KAT2B: variants seen among roughly 807,000 people sequenced by gnomAD.
KAT2B encodes lysine acetyltransferase 2B.
Under a neutral mutation model 105.9 loss-of-function variants are expected in KAT2B, and 36 were observed. That is an observed-to-expected ratio of 0.34 (90% CI 0.26 to 0.45). KAT2B has a LOEUF of 0.45. Among genes scored for constraint, KAT2B ranks in the 20% least tolerant of loss-of-function variants. The pLI, the probability that KAT2B is intolerant of heterozygous loss-of-function variation, is 1.00. For missense variants in KAT2B, 820 were observed against 1,021.6 expected, an observed-to-expected ratio of 0.80 and a Z score of 2.69; for synonymous variants, 397 against 377.9, an observed-to-expected ratio of 1.05 and a Z score of -0.59.
chr3:20,077,753 A>G (rs1372160069), intron 2 of KAT2B, among the ~76,000 whole-genome samples: 2 of 152,194 alleles, frequency 1.3e-5, no homozygotes, highest in Admixed American at 1.3e-4. Context: ...TATATTTGGG[A>G]TTGGCACAAT....
chr3:20,091,870 A>C (rs1302059965), intron 2 of KAT2B, among the ~76,000 whole-genome samples: 1 of 152,202 alleles, frequency 6.6e-6, no homozygotes, highest in Non-Finnish European at 1.5e-5. Flanking sequence ...ATTGAAAGGA[A>C]TGGCAAAAAT....
At chr3:20,088,571 C>T in intron 2 of KAT2B, among the ~76,000 whole-genome samples, 1 of 152,270 alleles carries the variant, frequency 6.6e-6, no homozygotes, top group East Asian at 1.9e-4. Context: ...CTGTTCATAT[C>T]CTTTGCACAT....
In KAT2B at chr3:20,146,412, G is replaced by C. The variant is rs773600279; in HGVS notation, c.2101G>C (p.Glu701Gln). 1.9e-6 allele frequency: 3 copies of C among 1,609,924 alleles called. No individual in the cohort carries two copies. The highest frequency in any genetic ancestry group is 2.6e-6 in the Non-Finnish European group (3 of 1,176,352). The change falls in exon 14 of 18, where the codon GAA becomes CAA. Residue 701 changes from glutamate to glutamine, a missense_variant. Around this residue, in one of 6 missense-constraint regions of KAT2B, gnomAD observed 227 missense variants for 292.9 expected, o/e 0.77. Coordinates refer to ENST00000263754, the MANE Select transcript of KAT2B (RefSeq NM_003884.5). ...AGATGGAGTTCGACAGATTCCTATA[G>C]AAAGCATTCCTGGAATTAGTACGTA... ...FKDGVRQIPI[E>Q]SIPGIRETGW...
chr3:20,080,329 C>G (rs1232367999), intron 2 of KAT2B, among the ~76,000 whole-genome samples: 1 of 152,174 alleles, frequency 6.6e-6, no homozygotes, highest in Non-Finnish European at 1.5e-5. Context: ...CCACCTCTGC[C>G]TTAGATCTGG....
In KAT2B at chr3:20,089,402, T is replaced by C. The variant is rs1228002665; in HGVS notation, c.431-5861T>C. On this transcript the variant is annotated intron_variant, in intron 2 of 17. Coordinates refer to ENST00000263754, the MANE Select transcript of KAT2B (RefSeq NM_003884.5). ...TCACTTATTCGTGTCTTCTTCACTTTTTTTTTTTTTTTTTTTGAGATGGAG... is the reference window on the plus strand; with the variant it reads ...TCACTTATTCGTGTCTTCTTCACTTCTTTTTTTTTTTTTTTTGAGATGGAG... Among the ~76,000 whole-genome samples the C allele has an allele frequency of 5.2e-4, 25 of 48,086 alleles. 1 individual carries two copies. In the African/African-American group the frequency reaches 5.6e-3, roughly 11 times the overall value. 31.5% of individuals were successfully genotyped at this position (48,086 alleles called of 152,430 possible).
In KAT2B at chr3:20,076,618, C is replaced by T. The variant is rs1335441505; in HGVS notation, c.430+4159C>T. Among the ~76,000 whole-genome samples, 2 of 152,192 alleles carry T rather than the reference C, an allele frequency of 1.3e-5. 1 individual carries two copies. Among genetic ancestry groups the T allele is most frequent in the African/African-American group, 4.8e-5 (2 of 41,442 alleles). On this transcript the variant is annotated intron_variant, in intron 2 of 17. Transcript: ENST00000263754. ...GAATGAACTGCCTTGGACTCAGCAC[C>T]CAGCTCTAATGATTATTTACATTTG... is the stretch of plus-strand genomic sequence containing the variant.
chr3:20,154,079 T>A lies in KAT2B; in HGVS notation c.*1554T>A, dbSNP rs556830966. The A allele has an allele frequency of 2.2e-4, 33 of 152,732 alleles. No homozygotes were observed. Among genetic ancestry groups the A allele is most frequent in the African/African-American group, 7.7e-4 (32 of 41,568 alleles). 9.5% of individuals were successfully genotyped at this position (152,732 alleles called of 1,614,324 possible). Reference sequence around the variant, plus strand: ...ATCATGATACAGTTTGGATTAAGTATCTTGGACTGGTTTTAAACAGTGCTT... The same window carrying A: ...ATCATGATACAGTTTGGATTAAGTAACTTGGACTGGTTTTAAACAGTGCTT... On this transcript the variant is annotated 3_prime_UTR_variant, in exon 18 of 18. Coordinates refer to ENST00000263754, the MANE Select transcript of KAT2B (RefSeq NM_003884.5).
intron 2 of KAT2B, among the ~76,000 whole-genome samples, chr3:20,081,707 A>G (rs1308884094): frequency 1.3e-5 from 2 of 152,224 alleles, no homozygotes; most frequent in East Asian, 3.9e-4. Context: ...TAAAAGCAGG[A>G]TTCTTTAATG....
intron 7 of KAT2B, among the ~76,000 whole-genome samples, chr3:20,119,096 G>A (rs892016002): frequency 6.6e-6 from 1 of 151,870 alleles, no homozygotes; most frequent in Non-Finnish European, 1.5e-5. Flanking sequence ...TCTGGTGGTG[G>A]TCACCAGCTT....
At chr3:20,107,322 G>A (rs1171406780) in intron 5 of KAT2B, among the ~76,000 whole-genome samples, 2 of 149,488 alleles carry the variant, frequency 1.3e-5, no homozygotes, top group Admixed American at 1.3e-4. Context: ...TGAGCCACCA[G>A]ACCTGGCCAA....
At chr3:20,131,297 G>A (rs1274303257) in intron 11 of KAT2B, among the ~76,000 whole-genome samples, 1 of 151,950 alleles carries the variant, frequency 6.6e-6, no homozygotes, top group Admixed American at 6.6e-5. Context: ...TTACAGTTGT[G>A]AGCCACTGTG....
intron 1 of KAT2B, among the ~76,000 whole-genome samples, chr3:20,063,104 G>A (rs1376504098): frequency 6.6e-6 from 1 of 152,016 alleles, no homozygotes; most frequent in Non-Finnish European, 1.5e-5. Flanking sequence ...ATCTTGCTCT[G>A]TTTCCCAGGC....
chr3:20,067,245 C>T (rs1185885256), intron 1 of KAT2B, among the ~76,000 whole-genome samples: 5 of 152,116 alleles, frequency 3.3e-5, no homozygotes, highest in Non-Finnish European at 7.3e-5. Context: ...TTTTAAGCAT[C>T]AGTGTTTATT....
chr3:20,132,330 G>C (rs888903271), intron 11 of KAT2B, among the ~76,000 whole-genome samples: 21 of 152,168 alleles, frequency 1.4e-4, no homozygotes, highest in Admixed American at 3.9e-4. Context: ...CCAAGATTGT[G>C]CTATTGCACT....
At chr3:20,074,231 A>G (rs988679447) in intron 2 of KAT2B, among the ~76,000 whole-genome samples, 1 of 152,232 alleles carries the variant, frequency 6.6e-6, no homozygotes, top group Admixed American at 6.5e-5. Context: ...AGTAAAAAGC[A>G]TGAAACAACC....
chr3:20,106,997 A>G (rs1454058101), intron 5 of KAT2B, among the ~76,000 whole-genome samples: 4 of 17,584 alleles, frequency 2.3e-4, no homozygotes, highest in Non-Finnish European at 2.7e-4. Context: ...ATATATATAT[A>G]TATATATATA....
intron 7 of KAT2B, among the ~76,000 whole-genome samples, chr3:20,115,214 C>A (rs1179490877): frequency 6.6e-6 from 1 of 152,194 alleles, no homozygotes; most frequent in African/African-American, 2.4e-5. Flanking sequence ...TTTTATACAT[C>A]AAGTTACCAC....
rs554911733 is a variant in KAT2B, at chr3:20,097,885, G to A, written c.577-1977G>A. ...GAGAAAGGCAGTTCCTGTGTCTCAT[G>A]TGTCAATAATTAAAGTAAAAATGTG... On this transcript the variant is annotated intron_variant, in intron 3 of 17. Coordinates refer to ENST00000263754, the MANE Select transcript of KAT2B (RefSeq NM_003884.5). Among the ~76,000 whole-genome samples the A allele has an allele frequency of 7.9e-5, 12 of 151,860 alleles. No individual in the cohort carries two copies. In the South Asian group the frequency reaches 2.3e-3, roughly 29 times the overall value.
At chr3:20,126,513 T>C (rs930144593) in intron 10 of KAT2B, among the ~76,000 whole-genome samples, 4 of 148,876 alleles carry the variant, frequency 2.7e-5, no homozygotes. Context: ...TGAAAATCCA[T>C]TGCTTAAAAA....
Sources: gnomAD v4.1 joint callset for allele counts (sites outside exome capture counted in the v4.1 genomes callset) on GRCh38, gnomAD v4.1.1 for gene constraint, gnomAD v4.1.1 regional missense constraint, MANE v1.5 for transcripts, NCBI Gene and HGNC (gene_info 2026-07-23, HGNC 2026-07-21) for gene names.